CALD1: variants seen among roughly 807,000 people sequenced by gnomAD.
CALD1 encodes caldesmon 1.
A neutral mutation model predicts 99.9 loss-of-function variants in CALD1; 33 were observed. The ratio of observed to expected loss-of-function variants is 0.33; its 90% CI spans 0.25 to 0.44. The LOEUF (loss-of-function observed/expected upper bound fraction) is 0.44, where lower values mean the gene tolerates loss of function less well. CALD1 is among the 20% of genes least tolerant of loss of function. The pLI is 1.00. For missense variants in CALD1, 861 were observed against 962.1 expected, an observed-to-expected ratio of 0.89 and a Z score of 1.39; for synonymous variants, 310 against 325.0, an observed-to-expected ratio of 0.95 and a Z score of 0.50.
chr7:134,775,537 C>T (rs1796911296), upstream of CALD1, among the ~76,000 whole-genome samples: 1 of 152,098 alleles, frequency 6.6e-6, no homozygotes, highest in Admixed American at 6.5e-5. Flanking sequence ...TGGTGAAACC[C>T]TGTCTCTACT....
chr7:134,853,705 TTTTA>T (rs1011003278), intron 2 of CALD1, among the ~76,000 whole-genome samples: 7 of 152,048 alleles, frequency 4.6e-5, no homozygotes, highest in African/African-American at 1.7e-4. Context: ...TTATTGAATT[TTTTA>T]TTTATTTATT....
intron 1 of CALD1, among the ~76,000 whole-genome samples, chr7:134,744,791 G>A (rs1031298249): frequency 1.3e-5 from 2 of 152,062 alleles, no homozygotes; most frequent in Admixed American, 1.3e-4. Context: ...GCCTTGGAAG[G>A]CTTTTCTCTC....
At chr7:134,968,294 G>T in intron 14 of CALD1, 46 bp from the exon 15 acceptor site, 4 of 1,602,160 alleles carry the variant, frequency 2.5e-6, no homozygotes, top group Non-Finnish European at 2.6e-6. Flanking sequence ...CAGGCTGTCA[G>T]TTTCACACTA....
chr7:134,895,632 A>G (rs769027332), intron 3 of CALD1, among the ~76,000 whole-genome samples: 2 of 152,094 alleles, frequency 1.3e-5, no homozygotes, highest in Non-Finnish European at 2.9e-5. Context: ...CAGGACACCC[A>G]TTTGTTAGAA....
chr7:134,807,962 C>T (rs1434443897), intron 1 of CALD1, among the ~76,000 whole-genome samples: 1 of 152,080 alleles, frequency 6.6e-6, no homozygotes, highest in Admixed American at 6.6e-5. Flanking sequence ...GGCACCATTT[C>T]CTCCCAGATA....
In CALD1 at chr7:134,933,792, G is replaced by A. The variant is rs1231090289; in HGVS notation, c.1023G>A (p.Glu341=). ...AGGAAGAGAAAAGGGCAGCAGAGGA[G>A]AGGCAGAGGATAAAGGAGGAAGAGA... ...IKEEEKRAAE[E]RQRIKEEEKR... is the part of the protein sequence containing the mutation. Residue 341 remains glutamate, a synonymous_variant, in exon 5 of 15, where the codon GAG becomes GAA. Coordinates refer to ENST00000361675, the MANE Select transcript of CALD1 (RefSeq NM_033138.4). 1.3e-6 allele frequency: 2 copies of A among 1,552,740 alleles called. No homozygotes were observed. The highest frequency in any genetic ancestry group is 2.0e-5 in the Admixed American group (1 of 51,012).
chr7:134,856,088 G>C (rs1800287884), intron 2 of CALD1, among the ~76,000 whole-genome samples: 1 of 152,170 alleles, frequency 6.6e-6, no homozygotes, highest in Non-Finnish European at 1.5e-5. Flanking sequence ...GTTCTACGAA[G>C]CGAACAAGGA....
intron 1 of CALD1, among the ~76,000 whole-genome samples, chr7:134,798,447 A>T (rs1797829161): frequency 6.6e-6 from 1 of 152,192 alleles, no homozygotes; most frequent in South Asian, 2.1e-4. Flanking sequence ...ACAATTTCAC[A>T]GTTTTAGGCA....
intron 4 of CALD1, among the ~76,000 whole-genome samples, chr7:134,929,865 G>A (rs1401971256): frequency 2.0e-5 from 3 of 150,702 alleles, no homozygotes; most frequent in Non-Finnish European, 4.4e-5. Context: ...GTTCTTTAAG[G>A]AATCTATACT....
At chr7:134,807,691 G>A (rs924736098) in intron 1 of CALD1, among the ~76,000 whole-genome samples, 9 of 152,132 alleles carry the variant, frequency 5.9e-5, no homozygotes, top group East Asian at 1.9e-4. Context: ...GGAGTGGAGC[G>A]ATCTCAGCTC....
intron 1 of CALD1, among the ~76,000 whole-genome samples, chr7:134,798,010 T>C (rs190284572): frequency 6.6e-6 from 1 of 152,350 alleles, no homozygotes; most frequent in African/African-American, 2.4e-5. Flanking sequence ...GTTTCCCCTA[T>C]TGTTAACATT....
At chr7:134,829,363 C>T (rs951879244) in intron 1 of CALD1, among the ~76,000 whole-genome samples, 6 of 152,180 alleles carry the variant, frequency 3.9e-5, no homozygotes, top group African/African-American at 1.2e-4. Flanking sequence ...AAAACGTTAT[C>T]ATCTGATTGT....
chr7:134,825,284 A>G lies in CALD1; in HGVS notation c.-129-18600A>G, dbSNP rs1313287359. Among the ~76,000 whole-genome samples the G allele has an allele frequency of 3.3e-5, 5 of 152,122 alleles. No homozygotes were observed. In the East Asian group the frequency reaches 9.6e-4, roughly 29 times the overall value. On this transcript the variant is annotated intron_variant, in intron 1 of 14. Transcript: ENST00000361675. ...CAGATGGAGTCATACATTTGGGTAG[A>G]CCTGAACTTCACTTCCAGCTCTGTC...
At chr7:134,767,717 G>C (rs1796839810) in intron 1 of CALD1, among the ~76,000 whole-genome samples, 1 of 152,186 alleles carries the variant, frequency 6.6e-6, no homozygotes, top group Non-Finnish European at 1.5e-5. Flanking sequence ...GAGCCAAATG[G>C]TCTCTCTCAG....
At chr7:134,756,089 C>T (rs79697234) in intron 1 of CALD1, among the ~76,000 whole-genome samples, 1,734 of 151,940 alleles carry the variant, frequency 0.011, 31 homozygotes, top group African/African-American at 0.037. Flanking sequence ...CAGGGTTTCA[C>T]TATGTTGGCC....
Position 134,925,265 on chromosome 7 carries a change from C to T in CALD1, c.72-3489C>T, listed in dbSNP as rs970544415. 5.3e-5 allele frequency among the ~76,000 whole-genome samples: 8 copies of T among 152,036 alleles called. No homozygotes were observed. In the South Asian group the frequency reaches 1.0e-3, roughly 20 times the overall value. The stretch of plus-strand genomic sequence containing the variant: ...GAGAGGTTACATGTGATGTGGCCTA[C>T]GTGGCAAATCTAGTTCATGTCAGAG... On this transcript the variant is annotated intron_variant, in intron 3 of 14. Transcript: ENST00000361675.
At chr7:134,935,080 T>C (rs1805855255) in intron 5 of CALD1, among the ~76,000 whole-genome samples, 1 of 152,150 alleles carries the variant, frequency 6.6e-6, no homozygotes, top group Non-Finnish European at 1.5e-5. Flanking sequence ...TATATTTGAC[T>C]GGTAATTAAG....
chr7:134,865,095 GA>G (rs1800744836), intron 2 of CALD1, among the ~76,000 whole-genome samples: 1 of 152,064 alleles, frequency 6.6e-6, no homozygotes. Context: ...CAATGTTGCT[GA>G]AAAGAATTCA....
rs574369409 is a variant in CALD1, at chr7:134,938,155, G to A, written c.1386+2390G>A. Among the ~76,000 whole-genome samples, 14 of 152,288 alleles carry A rather than the reference G, an allele frequency of 9.2e-5. No individual in the cohort carries two copies. In the South Asian group the frequency reaches 2.5e-3, roughly 27 times the overall value. On this transcript the variant is annotated intron_variant, in intron 6 of 14. Coordinates refer to ENST00000361675, the MANE Select transcript of CALD1 (RefSeq NM_033138.4). ...AGTAGTAGCGAGGAGTCTAGAAGAC[G>A]TCCATGTTATAGAAATTGAACCCAG...
Sources: gnomAD v4.1 joint callset for allele counts (sites outside exome capture counted in the v4.1 genomes callset) on GRCh38, gnomAD v4.1.1 for gene constraint, MANE v1.5 for transcripts, NCBI Gene and HGNC (gene_info 2026-07-23, HGNC 2026-07-21) for gene names.